NAV3: variants seen among roughly 807,000 people sequenced by gnomAD.
The protein encoded by NAV3 is neuron navigator 3.
NAV3 carries 87 observed loss-of-function variants against 244.7 expected under a neutral mutation model. That is an observed-to-expected ratio of 0.36 (90% confidence interval 0.30 to 0.42). The LOEUF (loss-of-function observed/expected upper bound fraction) is 0.42. NAV3 is among the 20% of genes least tolerant of loss of function. The pLI is 1.00. For synonymous variants in NAV3, 1,126 were observed against 1,042.2 expected, an observed-to-expected ratio of 1.08 and a Z score of -1.55; for missense variants, 2,663 against 2,893.3, an observed-to-expected ratio of 0.92 and a Z score of 1.83.
At chr12:77,621,475 CTCTT>C (rs1871367560) in intron 2 of NAV3, among the ~76,000 whole-genome samples, 1 of 142,026 alleles carries the variant, frequency 7.0e-6, no homozygotes, top group Non-Finnish European at 1.5e-5. Context: ...TTTTTCTCTT[CTCTT>C]TTTTTTTTTT....
chr12:77,777,052 G>T (rs1870397206), intron 2 of NAV3, among the ~76,000 whole-genome samples: 1 of 152,048 alleles, frequency 6.6e-6, no homozygotes. Context: ...TAATCACCTA[G>T]AAAAAAATGC....
At chr12:77,968,133 C>T (rs1259185601) in intron 4 of NAV3, among the ~76,000 whole-genome samples, 1 of 152,124 alleles carries the variant, frequency 6.6e-6, no homozygotes, top group Non-Finnish European at 1.5e-5. Flanking sequence ...AGTTCGTAGC[C>T]ACTGCTATGC....
chr12:78,006,056 C>T (rs1874155999), intron 7 of NAV3, among the ~76,000 whole-genome samples: 1 of 152,144 alleles, frequency 6.6e-6, no homozygotes, highest in South Asian at 2.1e-4. Flanking sequence ...TATCCATTTA[C>T]TAGCATGGGC....
chr12:77,674,347 T>G (rs1874115234), intron 2 of NAV3, among the ~76,000 whole-genome samples: 3 of 152,162 alleles, frequency 2.0e-5, no homozygotes, highest in Admixed American at 2.0e-4. Flanking sequence ...AAGATATAGC[T>G]AAAGTTCAAC....
intron 18 of NAV3, among the ~76,000 whole-genome samples, chr12:78,133,028 C>T (rs578196097): frequency 7.9e-5 from 12 of 152,272 alleles, no homozygotes; most frequent in Non-Finnish European, 1.5e-4. Context: ...TTTTCAGGGA[C>T]ATTGTCCTTG....
chr12:77,732,368 G>C (rs1274264797), intron 2 of NAV3, among the ~76,000 whole-genome samples: 1 of 151,950 alleles, frequency 6.6e-6, no homozygotes, highest in East Asian at 1.9e-4. Context: ...CCTATACAGA[G>C]GGAGATTTGA....
intron 1 of NAV3, among the ~76,000 whole-genome samples, chr12:77,912,416 G>T (rs1886691523): frequency 6.6e-6 from 1 of 152,070 alleles, no homozygotes; most frequent in Non-Finnish European, 1.5e-5. Context: ...AGTGAACAAG[G>T]TCTGGCTGCT....
intron 1 of NAV3, among the ~76,000 whole-genome samples, chr12:77,872,506 A>G (rs1881128447): frequency 6.6e-6 from 1 of 152,156 alleles, no homozygotes; most frequent in South Asian, 2.1e-4. Flanking sequence ...GGGGAAGGCC[A>G]TGGTCTTGGG....
At chr12:77,593,452 T>A (rs1870009753) in intron 2 of NAV3, among the ~76,000 whole-genome samples, 1 of 151,038 alleles carries the variant, frequency 6.6e-6, no homozygotes, top group African/African-American at 2.4e-5. Flanking sequence ...TTATTATTAT[T>A]TATTTTATTT....
chr12:78,175,277 C>A, intron 24 of NAV3, 29 bp from the exon 25 acceptor site: 1 of 1,607,108 alleles, frequency 6.2e-7, no homozygotes, highest in Non-Finnish European at 8.5e-7. Flanking sequence ...TCTTCATGAG[C>A]CGATGTGATA....
At chr12:78,053,679 A>T (rs1049480365) in intron 11 of NAV3, among the ~76,000 whole-genome samples, 2 of 152,206 alleles carry the variant, frequency 1.3e-5, no homozygotes, top group African/African-American at 4.8e-5. Flanking sequence ...GCATAAAAAC[A>T]CAAAAAATGT....
intron 3 of NAV3, among the ~76,000 whole-genome samples, chr12:77,955,721 T>G (rs1450569938): frequency 6.6e-6 from 1 of 151,912 alleles, no homozygotes; most frequent in Non-Finnish European, 1.5e-5. Context: ...AATACAAAAA[T>G]TAACCTAGCA....
At chr12:77,872,230 C>G (rs1272782779) in intron 1 of NAV3, among the ~76,000 whole-genome samples, 1 of 151,976 alleles carries the variant, frequency 6.6e-6, no homozygotes, top group African/African-American at 2.4e-5. Context: ...TTCTTGTATA[C>G]TATATTAACT....
At chr12:77,685,571 A>G (rs1056233813) in intron 2 of NAV3, among the ~76,000 whole-genome samples, 13 of 151,560 alleles carry the variant, frequency 8.6e-5, no homozygotes, top group African/African-American at 3.2e-4. Context: ...ATCCACTTTT[A>G]TCTTTCATAT....
chr12:77,810,570 T>C (rs533784662), intron 2 of NAV3, among the ~76,000 whole-genome samples: 2 of 152,332 alleles, frequency 1.3e-5, no homozygotes, highest in East Asian at 3.9e-4. Flanking sequence ...GACTGATAAC[T>C]TTTAGAATCA....
intron 31 of NAV3, among the ~76,000 whole-genome samples, chr12:78,187,128 A>G (rs1958756260): frequency 1.3e-5 from 2 of 151,874 alleles, no homozygotes; most frequent in Non-Finnish European, 1.5e-5. Flanking sequence ...AAAAATCACA[A>G]TTGTCAGCTG....
chr12:77,771,150 AAC>A (rs1870061885), intron 2 of NAV3, among the ~76,000 whole-genome samples: 1 of 152,156 alleles, frequency 6.6e-6, no homozygotes, highest in African/African-American at 2.4e-5. Context: ...GCAGCCAAAA[AAC>A]ACATGAAAAA....
chr12:77,667,000 CT>C (rs1327117890), intron 2 of NAV3, among the ~76,000 whole-genome samples: 12 of 152,128 alleles, frequency 7.9e-5, no homozygotes, highest in East Asian at 1.9e-4. Flanking sequence ...TATGTGTATA[CT>C]TTTTTTAGAT....
intron 9 of NAV3, among the ~76,000 whole-genome samples, chr12:78,044,143 G>T (rs1881352932): frequency 6.6e-6 from 1 of 152,082 alleles, no homozygotes; most frequent in African/African-American, 2.4e-5. Flanking sequence ...TCAGTTATAT[G>T]CATGTGGCTA....
Sources: allele counts gnomAD v4.1 joint callset (sites outside exome capture counted in the v4.1 genomes callset), GRCh38; gene constraint gnomAD v4.1.1; transcripts MANE v1.5; gene names NCBI Gene and HGNC (gene_info 2026-07-23, HGNC 2026-07-21).